ZSWIM5: variants seen among roughly 807,000 people sequenced by gnomAD.
ZSWIM5 encodes zinc finger SWIM-type containing 5, also known as zinc finger SWIM domain-containing protein 5.
A neutral mutation model predicts 119.6 loss-of-function variants in ZSWIM5; 55 were observed. The ratio of observed to expected loss-of-function variants is 0.46; its 90% confidence interval spans 0.37 to 0.58. The LOEUF is 0.58. Ranked by LOEUF, ZSWIM5 falls within the 20% of genes least tolerant of loss-of-function variation. ZSWIM5 has a pLI of 0.00. For missense variants in ZSWIM5, 1,193 were observed against 1,512.8 expected, an observed-to-expected ratio of 0.79 and a Z score of 3.51; for synonymous variants, 537 against 606.9, an observed-to-expected ratio of 0.88 and a Z score of 1.69.
intron 2 of ZSWIM5, among the ~76,000 whole-genome samples, chr1:45,064,274 G>A (rs1182146012): frequency 6.6e-6 from 1 of 151,968 alleles, no homozygotes; most frequent in East Asian, 1.9e-4. Context: ...GTTCTTCATA[G>A]CACTTTATTA....
intron 1 of ZSWIM5, 101 bp downstream of exon 1, chr1:45,205,655 T>G: frequency 7.9e-7 from 1 of 1,261,196 alleles, no homozygotes; most frequent in Non-Finnish European, 1.0e-6. Context: ...GGTACAGGAG[T>G]TGGGCAGAAG....
intron 1 of ZSWIM5, among the ~76,000 whole-genome samples, chr1:45,111,936 T>C (rs1310815538): frequency 6.6e-6 from 1 of 152,254 alleles, no homozygotes; most frequent in East Asian, 1.9e-4. Context: ...ACTAGTATTC[T>C]GCCTAACATA....
intron 1 of ZSWIM5, among the ~76,000 whole-genome samples, chr1:45,194,821 G>A: frequency 6.6e-6 from 1 of 151,550 alleles, no homozygotes; most frequent in Non-Finnish European, 1.5e-5. Context: ...AGCTTGCAGT[G>A]AGCCGAGATT....
At chr1:45,181,253 C>A (rs1646016911) in intron 1 of ZSWIM5, among the ~76,000 whole-genome samples, 1 of 152,004 alleles carries the variant, frequency 6.6e-6, no homozygotes, top group Non-Finnish European at 1.5e-5. Context: ...GCTGATGGAG[C>A]TGAAAGCCAA....
chr1:45,083,048 G>A (rs1424538960), intron 2 of ZSWIM5, among the ~76,000 whole-genome samples: 1 of 152,094 alleles, frequency 6.6e-6, no homozygotes, highest in Non-Finnish European at 1.5e-5. Context: ...GGGGGATGGG[G>A]GCAGAACTCA....
intron 1 of ZSWIM5, among the ~76,000 whole-genome samples, chr1:45,118,265 T>G (rs1050925855): frequency 6.6e-5 from 10 of 152,226 alleles, no homozygotes; most frequent in African/African-American, 2.2e-4. Context: ...TCCAAGATGA[T>G]TATTTTTCTC....
rs552178121 is a variant in ZSWIM5 at position 45,168,506 on chromosome 1, A to C, written c.595+37250T>G. On this transcript the variant is annotated intron_variant, in intron 1 of 13. Transcript: ENST00000359600. Reference sequence around the variant, plus strand: ...AAATATATATATATTTTTTTTAAAAAATACAAAAATTAACTGGGTGTGGTG... The same window carrying C: ...AAATATATATATATTTTTTTTAAAACATACAAAAATTAACTGGGTGTGGTG... 6.8e-3 allele frequency among the ~76,000 whole-genome samples: 1,025 copies of C among 150,920 alleles called. 21 individuals are homozygous for C. The highest frequency in any genetic ancestry group is 0.024 in the African/African-American group (993 of 41,298).
At position 45,170,731 on chromosome 1, in the gene ZSWIM5, A is replaced by G. The variant is rs555131506; in HGVS notation, c.595+35025T>C. 2.7e-4 allele frequency among the ~76,000 whole-genome samples: 41 copies of G among 151,826 alleles called. No individual in the cohort carries two copies. The South Asian group carries it at 7.1e-3, about 26-fold the overall frequency. ...GGTGCACAGGTGCATGCCACCACAC[A>G]AGGTTAATTTAAAAATTATTGGTTT... On this transcript the variant is annotated intron_variant, in intron 1 of 13. Transcript: ENST00000359600.
chr1:45,074,459 T>C (rs1214246709), intron 2 of ZSWIM5, among the ~76,000 whole-genome samples: 1 of 151,908 alleles, frequency 6.6e-6, no homozygotes, highest in Non-Finnish European at 1.5e-5. Context: ...TGATAGGTTA[T>C]ATGAGTCTTG....
At chr1:45,134,402 C>T (rs346690) in intron 1 of ZSWIM5, among the ~76,000 whole-genome samples, 107,725 of 152,102 alleles carry the variant, frequency 0.71, 38,888 homozygotes, top group African/African-American at 0.81. Context: ...AAAATGTTTG[C>T]TAAAGAGAAA....
intron 11 of ZSWIM5, among the ~76,000 whole-genome samples, chr1:45,029,540 T>A (rs1644939750): frequency 6.6e-6 from 1 of 152,000 alleles, no homozygotes; most frequent in African/African-American, 2.4e-5. Context: ...AAGTTATACA[T>A]TTTTCCTTTA....
intron 5 of ZSWIM5, among the ~76,000 whole-genome samples, chr1:45,044,189 CAA>C (rs779975167): frequency 1.4e-5 from 1 of 71,580 alleles, no homozygotes; most frequent in Admixed American, 1.6e-4. Flanking sequence ...AATCCCATCT[CAA>C]AAAAAAAAAA....
At chr1:45,145,620 A>G in intron 1 of ZSWIM5, among the ~76,000 whole-genome samples, 1 of 152,058 alleles carries the variant, frequency 6.6e-6, no homozygotes, top group East Asian at 1.9e-4. Flanking sequence ...AAAAACCAAA[A>G]CTATAATGAT....
intron 1 of ZSWIM5, among the ~76,000 whole-genome samples, chr1:45,141,717 T>C (rs955886194): frequency 6.6e-6 from 1 of 152,108 alleles, no homozygotes; most frequent in African/African-American, 2.4e-5. Flanking sequence ...ATGTAAACAC[T>C]AATCAAAATA....
intron 1 of ZSWIM5, among the ~76,000 whole-genome samples, chr1:45,099,349 G>A (rs967024249): frequency 6.6e-6 from 1 of 152,152 alleles, no homozygotes; most frequent in Admixed American, 6.5e-5. Context: ...ACTAAACCAG[G>A]AAGAAATTGA....
chr1:45,053,152 G>A (rs1200732624), intron 4 of ZSWIM5, among the ~76,000 whole-genome samples: 1 of 150,956 alleles, frequency 6.6e-6, no homozygotes, highest in East Asian at 1.9e-4. Context: ...AAAGAAAAAA[G>A]GAACTGATAC....
chr1:45,100,142 G>T (rs1245898069), intron 1 of ZSWIM5, among the ~76,000 whole-genome samples: 1 of 152,182 alleles, frequency 6.6e-6, no homozygotes, highest in Non-Finnish European at 1.5e-5. Flanking sequence ...TGTATATTTA[G>T]AAAACTCCAT....
intron 1 of ZSWIM5, among the ~76,000 whole-genome samples, chr1:45,204,259 A>AAT (rs1646173883): frequency 6.6e-6 from 1 of 152,190 alleles, no homozygotes; most frequent in South Asian, 2.1e-4. Flanking sequence ...AAGAATCTTA[A>AAT]AAGTTAAATA....
intron 1 of ZSWIM5, among the ~76,000 whole-genome samples, chr1:45,138,898 T>TTC (rs902367710): frequency 2.0e-5 from 3 of 150,938 alleles, no homozygotes; most frequent in Non-Finnish European, 3.0e-5. Flanking sequence ...CTTTTTCTTT[T>TTC]TTTTTTTTTT....
Sources: allele counts gnomAD v4.1 joint callset (sites outside exome capture counted in the v4.1 genomes callset), GRCh38; gene constraint gnomAD v4.1.1; transcripts MANE v1.5; gene names NCBI Gene and HGNC (gene_info 2026-07-23, HGNC 2026-07-21).